Variants in FBXW8 observed in about 807,000 individuals in gnomAD.
FBXW8 encodes F-box and WD repeat domain containing 8.
A neutral mutation model predicts 65.3 loss-of-function variants in FBXW8; 57 were observed. The ratio of observed to expected loss-of-function variants is 0.87; its 90% confidence interval spans 0.71 to 1.09. The LOEUF (loss-of-function observed/expected upper bound fraction) is 1.09. FBXW8 is among the 50% of genes least tolerant of loss of function. The pLI is 0.00. For synonymous variants in FBXW8, 308 were observed against 330.2 expected (o/e 0.93, Z 0.73); for missense variants, 777 against 814.8 (o/e 0.95, Z 0.57).
chr12:117,018,513 A>G (rs1445038376), intron 8 of FBXW8, among the ~76,000 whole-genome samples: 1 of 152,250 alleles, frequency 6.6e-6, no homozygotes, highest in Non-Finnish European at 1.5e-5. Context: ...GCGCGCTGTC[A>G]GATGTCCGAG....
At chr12:116,949,793 C>A in intron 4 of FBXW8, 87 bp downstream of exon 4, 2 of 1,236,820 alleles carry the variant, frequency 1.6e-6, no homozygotes, top group Non-Finnish European at 2.4e-6. Context: ...GTGACCTTAG[C>A]TTCCTTTGAG....
chr12:116,941,062 A>G (rs763266975), intron 2 of FBXW8, among the ~76,000 whole-genome samples: 1 of 152,242 alleles, frequency 6.6e-6, no homozygotes, highest in Non-Finnish European at 1.5e-5. Flanking sequence ...GATTTCTTCA[A>G]AAGGGCAAAA....
intron 4 of FBXW8, among the ~76,000 whole-genome samples, chr12:116,954,128 A>G (rs1321038769): frequency 2.0e-5 from 3 of 151,856 alleles, no homozygotes; most frequent in Non-Finnish European, 4.4e-5. Flanking sequence ...AAAAAAAAAA[A>G]AAAAAAGAAA....
In FBXW8 at chr12:116,961,739, C is replaced by T. The variant is rs1447861656; in HGVS notation, c.678-2958C>T. Among the ~76,000 whole-genome samples the T allele has an allele frequency of 5.3e-5, 8 of 152,098 alleles. No homozygotes were observed. The highest frequency in any genetic ancestry group is 1.2e-4 in the Non-Finnish European group (8 of 68,034). ...TCACAGACATGCACCACTGCCATGA[C>T]GGAGACGTCCAGGCTGCCGTGAAGG... is the stretch of plus-strand genomic sequence containing the variant. On this transcript the variant is annotated intron_variant, in intron 4 of 10. Transcript: ENST00000652555. This position sits in a 1 kb window ranked among gnomAD's most constrained non-coding sequence, Gnocchi z 4.4.
rs373839010 is a variant in FBXW8 at position 116,992,163 on chromosome 12, C to T, written c.1239+3294C>T. Among the ~76,000 whole-genome samples the T allele has an allele frequency of 3.6e-4, 55 of 152,312 alleles. 1 individual carries two copies. The South Asian group carries it at 0.011, about 30-fold the overall frequency. Reference sequence around the variant, plus strand: ...GCCGAGTAATTTAGCAAAAGCTTATCTGTCTAATCTTTTTTTTAAAAAAGT... The same window carrying T: ...GCCGAGTAATTTAGCAAAAGCTTATTTGTCTAATCTTTTTTTTAAAAAAGT... On this transcript the variant is annotated intron_variant, in intron 7 of 10. Transcript: ENST00000652555.
chr12:117,011,113 G>GT (rs1196874793), intron 8 of FBXW8, among the ~76,000 whole-genome samples: 1 of 129,704 alleles, frequency 7.7e-6, no homozygotes, highest in Non-Finnish European at 1.6e-5. Flanking sequence ...TTCTTTCCTT[G>GT]TTTTTTTCTT....
chr12:116,965,086 C>T (rs1797941901), intron 5 of FBXW8, among the ~76,000 whole-genome samples: 1 of 152,212 alleles, frequency 6.6e-6, no homozygotes, highest in Non-Finnish European at 1.5e-5. Flanking sequence ...TTAATTCCTA[C>T]TGGAACTGTC....
At chr12:116,959,293 C>T (rs967517628) in intron 4 of FBXW8, among the ~76,000 whole-genome samples, 12 of 152,134 alleles carry the variant, frequency 7.9e-5, no homozygotes, top group African/African-American at 2.9e-4. Flanking sequence ...CAATAAATTC[C>T]TTATATTGCA....
At chr12:117,012,068 T>C (rs888579586) in intron 8 of FBXW8, among the ~76,000 whole-genome samples, 3 of 152,162 alleles carry the variant, frequency 2.0e-5, no homozygotes, top group African/African-American at 7.2e-5. Context: ...TGAGCATCTG[T>C]AGATTTTGGA....
intron 1 of FBXW8, among the ~76,000 whole-genome samples, chr12:116,919,212 G>T (rs1880688208): frequency 6.6e-6 from 1 of 152,164 alleles, no homozygotes; most frequent in Non-Finnish European, 1.5e-5. Context: ...TGGGGAATCA[G>T]CAGTAAACAG....
chr12:116,980,817 T>C (rs1885253588), intron 5 of FBXW8, among the ~76,000 whole-genome samples: 1 of 152,218 alleles, frequency 6.6e-6, no homozygotes, highest in African/African-American at 2.4e-5. Flanking sequence ...CATTGTTCCA[T>C]TGTGCTTTGT....
intron 5 of FBXW8, among the ~76,000 whole-genome samples, chr12:116,974,440 G>C (rs774328529): frequency 1.3e-5 from 2 of 152,122 alleles, no homozygotes; most frequent in Non-Finnish European, 2.9e-5. Flanking sequence ...TTTAGTAATG[G>C]GGCTAATTCA....
rs939107058 is a variant in FBXW8 at position 116,923,038 on chromosome 12, C to T, written c.319-4985C>T. On this transcript the variant is annotated intron_variant, in intron 1 of 10. Transcript: ENST00000652555. ...TGGCCAACATGACAAAACCCTGTCT[C>T]TACTAAAAAATACAAAAATTAGCTA... 6.0e-4 allele frequency among the ~76,000 whole-genome samples: 92 copies of T among 152,136 alleles called. 2 individuals are homozygous for T. Among genetic ancestry groups the T allele is most frequent in the Admixed American group, 5.9e-3 (90 of 15,278 alleles).
At chr12:117,000,364 G>A (rs1953485586) in intron 7 of FBXW8, among the ~76,000 whole-genome samples, 1 of 152,234 alleles carries the variant, frequency 6.6e-6, no homozygotes, top group Non-Finnish European at 1.5e-5. Flanking sequence ...AGCACTGATA[G>A]CTGAGTAATA....
intron 3 of FBXW8, 98 bp from the exon 4 acceptor site, chr12:116,949,520 T>G: frequency 1.0e-6 from 1 of 997,122 alleles, no homozygotes; most frequent in Non-Finnish European, 1.6e-6. Flanking sequence ...GTCCATGCTG[T>G]AGAGAATTGC....
chr12:117,008,494 A>G (rs889812228), intron 7 of FBXW8, among the ~76,000 whole-genome samples: 2 of 152,198 alleles, frequency 1.3e-5, no homozygotes, highest in Non-Finnish European at 2.9e-5. Flanking sequence ...TGTAGTCTTT[A>G]TGGATTAAGA....
chr12:116,934,678 A>C (rs1882033341), intron 2 of FBXW8, among the ~76,000 whole-genome samples: 1 of 152,186 alleles, frequency 6.6e-6, no homozygotes, highest in African/African-American at 2.4e-5. Flanking sequence ...TAGTACAGAG[A>C]GTTCCTGTGT....
At chr12:116,935,957 C>T (rs990766996) in intron 2 of FBXW8, among the ~76,000 whole-genome samples, 17 of 152,114 alleles carry the variant, frequency 1.1e-4, no homozygotes, top group Non-Finnish European at 2.1e-4. Flanking sequence ...TATGTATGTG[C>T]GAGGTACTGT....
At position 116,961,504 on chromosome 12, in the gene FBXW8, G is replaced by A. The variant is rs1219941117; in HGVS notation, c.678-3193G>A. On this transcript the variant is annotated intron_variant, in intron 4 of 10. Coordinates refer to ENST00000652555, the MANE Select transcript of FBXW8 (RefSeq NM_153348.3). This position sits in a 1 kb window ranked among gnomAD's most constrained non-coding sequence, Gnocchi z 4.4. ...AATGAGGCTGGGGAGAGGGGTGGAA[G>A]TTAGTTTGTGGTGGGTTTTCAGTAG... Among the ~76,000 whole-genome samples the A allele has an allele frequency of 6.6e-6, 1 of 152,146 alleles. No individual in the cohort carries two copies. Among genetic ancestry groups the A allele is most frequent in the Non-Finnish European group, 1.5e-5 (1 of 68,028 alleles).
Sources: gnomAD v4.1 joint callset for allele counts (sites outside exome capture counted in the v4.1 genomes callset) on GRCh38, gnomAD v4.1.1 for gene constraint, Gnocchi (gnomAD v3.1) non-coding constraint, MANE v1.5 for transcripts, NCBI Gene and HGNC (gene_info 2026-07-23, HGNC 2026-07-21) for gene names.